ANO10: variants seen among roughly 807,000 people sequenced by gnomAD.
The protein encoded by ANO10 is anoctamin 10, also known as anoctamin-10.
ANO10 carries 77 observed loss-of-function variants against 74.7 expected under a neutral mutation model. That is an observed-to-expected ratio of 1.03 (90% CI 0.86 to 1.25). ANO10 has a LOEUF of 1.25. ANO10 is among the 50% of genes most tolerant of loss of function. ANO10 has a pLI of 0.00. For synonymous variants in ANO10, 279 were observed against 284.9 expected (o/e 0.98, Z 0.21); for missense variants, 721 against 778.1 (o/e 0.93, Z 0.87).
intron 11 of ANO10, among the ~76,000 whole-genome samples, chr3:43,541,791 T>C (rs2078968883): frequency 6.6e-6 from 1 of 152,226 alleles, no homozygotes; most frequent in South Asian, 2.1e-4. Flanking sequence ...AAGCTCGATC[T>C]GGTAATGGAG....
At chr3:43,604,208 C>A (rs2082458146) in intron 2 of ANO10, among the ~76,000 whole-genome samples, 1 of 152,134 alleles carries the variant, frequency 6.6e-6, no homozygotes, top group Admixed American at 6.6e-5. Flanking sequence ...AAACATTTAT[C>A]ATTTCTTTGT....
intron 11 of ANO10, among the ~76,000 whole-genome samples, chr3:43,499,397 G>A (rs1216059134): frequency 6.6e-6 from 1 of 152,064 alleles, no homozygotes; most frequent in Non-Finnish European, 1.5e-5. Context: ...TATTTACTAG[G>A]GAGGGTTTGG....
chr3:43,534,970 A>G (rs1559661771), intron 11 of ANO10, among the ~76,000 whole-genome samples: 1 of 150,052 alleles, frequency 6.7e-6, no homozygotes, highest in Non-Finnish European at 1.5e-5. Flanking sequence ...CTATATGTAG[A>G]TTTTTTTCTT....
chr3:43,652,685 A>G (rs936790611), intron 1 of ANO10, among the ~76,000 whole-genome samples: 56 of 152,166 alleles, frequency 3.7e-4, no homozygotes, highest in Non-Finnish European at 2.8e-4. Context: ...AAGGACTTAA[A>G]TGAGTTACTA....
rs1459074030 is a variant in ANO10 at position 43,621,965 on chromosome 3, G to T, written c.-68C>A. On this transcript the variant is annotated 5_prime_UTR_variant, in exon 1 of 13. Transcript: ENST00000292246. ...CGGGTCCGAGAGCCGGCGAGAACCG[G>T]AGGCCGGGCGAAAGAGTGCTCGGTG... 1.3e-5 allele frequency: 2 copies of T among 152,594 alleles called. No individual in the cohort carries two copies. The highest frequency in any genetic ancestry group is 2.9e-5 in the Non-Finnish European group (2 of 68,350). The allele number at this position is 152,594 out of a possible 1,614,324, so 9.5% of individuals were successfully genotyped here.
intron 12 of ANO10, among the ~76,000 whole-genome samples, chr3:43,407,064 C>T (rs1297897331): frequency 1.3e-5 from 2 of 152,016 alleles, no homozygotes; most frequent in African/African-American, 2.4e-5. Context: ...CCACCACACC[C>T]GGCTAATTTT....
intron 12 of ANO10, among the ~76,000 whole-genome samples, chr3:43,430,359 G>A (rs1458179472): frequency 2.0e-5 from 3 of 150,300 alleles, no homozygotes; most frequent in Admixed American, 1.3e-4. Flanking sequence ...GATTAGGAAG[G>A]CATTTCCCAC....
intron 12 of ANO10, among the ~76,000 whole-genome samples, chr3:43,414,964 G>C (rs1409357930): frequency 7.9e-6 from 1 of 125,920 alleles, no homozygotes; most frequent in Non-Finnish European, 1.6e-5. Flanking sequence ...TCCTGTCATT[G>C]TGCTTTTTTT....
chr3:43,535,116 G>T (rs2078649703), intron 11 of ANO10, among the ~76,000 whole-genome samples: 1 of 151,846 alleles, frequency 6.6e-6, no homozygotes, highest in South Asian at 2.1e-4. Context: ...TGGCATTACA[G>T]GAGTGCACCA....
At chr3:43,577,358 T>C in intron 5 of ANO10, 97 bp from the exon 6 acceptor site, 1 of 1,206,144 alleles carries the variant, frequency 8.3e-7, no homozygotes, top group Non-Finnish European at 1.2e-6. Flanking sequence ...TAAGTGGGGA[T>C]CATTCAACCC....
intron 11 of ANO10, among the ~76,000 whole-genome samples, chr3:43,502,578 A>G (rs2077137661): frequency 6.6e-6 from 1 of 152,202 alleles, no homozygotes; most frequent in Non-Finnish European, 1.5e-5. Flanking sequence ...AGCCTGCAGA[A>G]CCATGAGCCA....
intron 1 of ANO10, among the ~76,000 whole-genome samples, chr3:43,654,726 T>A (rs2083828158): frequency 6.6e-6 from 1 of 152,198 alleles, no homozygotes; most frequent in Non-Finnish European, 1.5e-5. Flanking sequence ...TCATCCTCAC[T>A]GCATCCCCAC....
At chr3:43,391,472 C>T (rs966476009) in intron 12 of ANO10, among the ~76,000 whole-genome samples, 1 of 152,198 alleles carries the variant, frequency 6.6e-6, no homozygotes, top group Non-Finnish European at 1.5e-5. Flanking sequence ...TTATAGTAGG[C>T]AGCCTCTAAA....
At chr3:43,575,182 T>G (rs1490507740) in intron 6 of ANO10, among the ~76,000 whole-genome samples, 2 of 152,020 alleles carry the variant, frequency 1.3e-5, no homozygotes, top group Non-Finnish European at 2.9e-5. Flanking sequence ...TAGTGAAAAC[T>G]AATAATAGTA....
At chr3:43,529,249 T>C (rs900065684) in intron 11 of ANO10, among the ~76,000 whole-genome samples, 3 of 152,200 alleles carry the variant, frequency 2.0e-5, no homozygotes, top group African/African-American at 7.2e-5. Context: ...TTCAAGAACT[T>C]TGAACCTTTT....
chr3:43,477,863 C>T (rs1180788171), intron 11 of ANO10, among the ~76,000 whole-genome samples: 1 of 152,132 alleles, frequency 6.6e-6, no homozygotes, highest in East Asian at 1.9e-4. Flanking sequence ...TTGGACAGAC[C>T]TCTTTGACTT....
intron 3 of ANO10, among the ~76,000 whole-genome samples, chr3:43,599,234 T>C (rs1313112801): frequency 1.3e-5 from 2 of 152,166 alleles, no homozygotes; most frequent in African/African-American, 4.8e-5. Context: ...AAATCTAGAG[T>C]AAGTGAATCC....
chr3:43,594,046 A>G (rs563938262), intron 4 of ANO10, among the ~76,000 whole-genome samples: 30 of 152,364 alleles, frequency 2.0e-4, no homozygotes, highest in Middle Eastern at 3.4e-3. Context: ...GGATCAATTC[A>G]ACAAGAAGAG....
chr3:43,691,235 C>A, intron 1 of ANO10: 1 of 466,358 alleles, frequency 2.1e-6, no homozygotes, highest in Non-Finnish European at 3.5e-6. Context: ...AGAGGCTCCC[C>A]TCAGCGTCGG....
Sources: gnomAD v4.1 joint callset for allele counts (sites outside exome capture counted in the v4.1 genomes callset) on GRCh38, gnomAD v4.1.1 for gene constraint, MANE v1.5 for transcripts, NCBI Gene and HGNC (gene_info 2026-07-23, HGNC 2026-07-21) for gene names.